The following PARD3 variants were observed in gnomAD, a reference collection of about 807,000 sequenced individuals.
PARD3 encodes the protein partitioning defective 3 homolog.
PARD3 carries 75 observed loss-of-function variants against 155.4 expected under a neutral mutation model. That is an observed-to-expected ratio of 0.48 (90% CI 0.40 to 0.58). PARD3 has a LOEUF of 0.58. Among genes scored for constraint, PARD3 ranks in the 20% least tolerant of loss-of-function variants. The pLI is 0.00. For missense variants in PARD3, 1,642 were observed against 1,721.7 expected (o/e 0.95, Z 0.82); for synonymous variants, 576 against 610.5 (o/e 0.94, Z 0.83).
At chr10:34,681,752 ATATATATATATATATATTTTTTTTTTTT>A (rs1187744125) in intron 2 of PARD3, among the ~76,000 whole-genome samples, 6 of 19,162 alleles carry the variant, frequency 3.1e-4, no homozygotes, top group African/African-American at 1.2e-3. Flanking sequence ...ATATATATAT[ATATATATATATATATATTTTTTTTTTTT>A]TTTTTTTTTT....
intron 1 of PARD3, among the ~76,000 whole-genome samples, chr10:34,738,365 T>G (rs183371644): frequency 6.6e-6 from 1 of 152,208 alleles, no homozygotes; most frequent in Non-Finnish European, 1.5e-5. Flanking sequence ...ATTTTAGAGA[T>G]GGAGTCTCAC....
At chr10:34,726,546 G>C (rs1036462433) in intron 1 of PARD3, among the ~76,000 whole-genome samples, 8 of 152,146 alleles carry the variant, frequency 5.3e-5, no homozygotes, top group African/African-American at 1.9e-4. Context: ...TTGTGCCACT[G>C]AACTCCAGCC....
intron 22 of PARD3, among the ~76,000 whole-genome samples, chr10:34,159,684 A>C (rs1949181536): frequency 6.6e-6 from 1 of 152,194 alleles, no homozygotes. Flanking sequence ...ACAACAAACA[A>C]AGCTAATGTA....
chr10:34,672,162 T>C (rs1056504063), intron 2 of PARD3, among the ~76,000 whole-genome samples: 3 of 152,124 alleles, frequency 2.0e-5, no homozygotes, highest in African/African-American at 7.2e-5. Flanking sequence ...AGGAGGATTC[T>C]GTTTTTTCAA....
At chr10:34,627,206 T>C (rs2092021439) in intron 2 of PARD3, among the ~76,000 whole-genome samples, 1 of 152,126 alleles carries the variant, frequency 6.6e-6, no homozygotes, top group African/African-American at 2.4e-5. Context: ...TTTCAATTTT[T>C]GTTTTAAACA....
intron 5 of PARD3, among the ~76,000 whole-genome samples, chr10:34,402,642 C>T (rs1844018312): frequency 6.6e-6 from 1 of 152,188 alleles, no homozygotes; most frequent in Admixed American, 6.5e-5. Context: ...CCCCATCCTC[C>T]TATGCTTCCT....
intron 2 of PARD3, among the ~76,000 whole-genome samples, chr10:34,666,816 T>TATATATATATATATATATAC (rs765552982): frequency 1.2e-4 from 11 of 88,798 alleles, no homozygotes; most frequent in South Asian, 4.2e-4. Flanking sequence ...TATATATATA[T>TATATATATATATATATATAC]ACACACACAC....
intron 9 of PARD3, among the ~76,000 whole-genome samples, chr10:34,379,112 G>C (rs974609522): frequency 6.6e-6 from 1 of 152,042 alleles, no homozygotes; most frequent in African/African-American, 2.4e-5. Context: ...TAAGGCAAAT[G>C]CTTGCTCATT....
At chr10:34,359,939 G>A in intron 13 of PARD3, 132 bp downstream of exon 13, 1 of 670,488 alleles carries the variant, frequency 1.5e-6, no homozygotes, top group Non-Finnish European at 2.6e-6. Flanking sequence ...ACACCTAGTT[G>A]TTTAAATGTG....
chr10:34,781,899 G>C (rs1840279092), intron 1 of PARD3, among the ~76,000 whole-genome samples: 1 of 152,130 alleles, frequency 6.6e-6, no homozygotes, highest in Non-Finnish European at 1.5e-5. Flanking sequence ...AGAGGGCAGT[G>C]GAAATGTTCT....
At chr10:34,681,764 ATATATTTTTTTTTTTTTTTTTTTTT>A (rs1385204041) in intron 2 of PARD3, among the ~76,000 whole-genome samples, 1 of 21,884 alleles carries the variant, frequency 4.6e-5, no homozygotes, top group East Asian at 1.3e-3. Context: ...ATATATATAT[ATATATTTTTTTTTTTTTTTTTTTTT>A]TTTTTTTTTT....
chr10:34,409,022 G>A lies in PARD3; in HGVS notation c.715-7105C>T, dbSNP rs115406381. On this transcript the variant is annotated intron_variant, in intron 5 of 24. Transcript: ENST00000374788. Reference sequence around the variant, plus strand: ...AGGATTCTATGAAGAATTATTCAGCGCCTGTGATGTAATCACTGTATATAA... The same window carrying A: ...AGGATTCTATGAAGAATTATTCAGCACCTGTGATGTAATCACTGTATATAA... Among the ~76,000 whole-genome samples, 275 of 152,066 alleles carry A rather than the reference G, an allele frequency of 1.8e-3. 2 individuals carry two copies. The highest frequency in any genetic ancestry group is 6.3e-3 in the African/African-American group (260 of 41,494).
chr10:34,756,904 T>G (rs924204077), intron 1 of PARD3, among the ~76,000 whole-genome samples: 2 of 152,176 alleles, frequency 1.3e-5, no homozygotes, highest in African/African-American at 4.8e-5. Flanking sequence ...CTCCGAAAAT[T>G]TTCTTCTTTT....
At chr10:34,706,024 T>C (rs2094357051) in intron 1 of PARD3, among the ~76,000 whole-genome samples, 1 of 151,990 alleles carries the variant, frequency 6.6e-6, no homozygotes, top group Non-Finnish European at 1.5e-5. Context: ...CAACACAAAG[T>C]CATGGAAGTC....
intron 1 of PARD3, among the ~76,000 whole-genome samples, chr10:34,800,125 C>T: frequency 7.0e-6 from 1 of 142,664 alleles, no homozygotes; most frequent in East Asian, 2.1e-4. Context: ...GCAAGACCCT[C>T]AGTTGTGCAA....
chr10:34,238,187 T>C (rs1953357295), intron 22 of PARD3, among the ~76,000 whole-genome samples: 1 of 152,198 alleles, frequency 6.6e-6, no homozygotes, highest in Non-Finnish European at 1.5e-5. Flanking sequence ...CCAATACAAT[T>C]CTTTTCACTC....
chr10:34,384,075 ACT>A (rs1337277365), intron 8 of PARD3, 52 bp downstream of exon 8: 2 of 1,565,792 alleles, frequency 1.3e-6, no homozygotes, highest in Non-Finnish European at 1.7e-6. Context: ...AACTGACTGC[ACT>A]CTGTCATGCC....
chr10:34,186,213 A>T (rs1343389952), intron 22 of PARD3, among the ~76,000 whole-genome samples: 1 of 152,086 alleles, frequency 6.6e-6, no homozygotes, highest in Non-Finnish European at 1.5e-5. Flanking sequence ...CCAGCCCTAA[A>T]GCCGGACGGG....
intron 20 of PARD3, among the ~76,000 whole-genome samples, chr10:34,315,710 T>C (rs111266411): frequency 1.2e-4 from 19 of 152,296 alleles, no homozygotes; most frequent in African/African-American, 3.4e-4. Flanking sequence ...TGAAATAAAG[T>C]GGCAGTTAGA....
Sources: gnomAD v4.1 joint callset for allele counts (sites outside exome capture counted in the v4.1 genomes callset) on GRCh38, gnomAD v4.1.1 for gene constraint, MANE v1.5 for transcripts, NCBI Gene and HGNC (gene_info 2026-07-23, HGNC 2026-07-21) for gene names.